The following ACYP2 variants were observed in gnomAD, a reference collection of about 807,000 sequenced individuals.
The protein encoded by ACYP2 is acylphosphatase 2, also known as acylphosphatase-2.
ACYP2 carries 12 observed loss-of-function variants against 11.2 expected under a neutral mutation model. The ratio of observed to expected loss-of-function variants is 1.08; its 90% CI spans 0.69 to 1.74. The LOEUF is 1.74. Among genes scored for constraint, ACYP2 ranks in the 40% most tolerant of loss-of-function variants. ACYP2 has a pLI of 0.00. For missense variants in ACYP2, 134 were observed against 101.9 expected, an observed-to-expected ratio of 1.31 and a Z score of -1.35; for synonymous variants, 43 against 32.2, an observed-to-expected ratio of 1.33 and a Z score of -1.13.
At chr2:54,295,586 A>C (rs964887162) in intron 6 of ACYP2, among the ~76,000 whole-genome samples, 3 of 152,252 alleles carry the variant, frequency 2.0e-5, no homozygotes, top group Admixed American at 6.5e-5. Flanking sequence ...ACAAAGGCTC[A>C]TTCATTCAGT....
chr2:54,182,272 C>A (rs1683776550), intron 6 of ACYP2, among the ~76,000 whole-genome samples: 1 of 151,710 alleles, frequency 6.6e-6, no homozygotes, highest in Non-Finnish European at 1.5e-5. Context: ...GTTGGCCAGG[C>A]TGGTCTCAAA....
intron 6 of ACYP2, among the ~76,000 whole-genome samples, chr2:54,263,324 G>A (rs1312379506): frequency 6.6e-6 from 1 of 152,184 alleles, no homozygotes; most frequent in East Asian, 1.9e-4. Context: ...CAAGGGGATA[G>A]TGCTAAACCA....
Position 54,075,468 on chromosome 2 carries a change from A to C in ACYP2, c.277+18108A>C, listed in dbSNP as rs955838199. Among the ~76,000 whole-genome samples the C allele has an allele frequency of 2.0e-5, 3 of 150,492 alleles. No homozygotes were observed. The South Asian group carries it at 6.3e-4, about 32-fold the overall frequency. ...AGCAGAGATGGCACCACTGCATCCT[A>C]TCCTGGGTGACAGAGTGAGATTCTG... On this transcript the variant is annotated intron_variant, in intron 4 of 6. Transcript: ENST00000607452.
intron 2 of ACYP2, among the ~76,000 whole-genome samples, chr2:54,045,692 T>C (rs982740861): frequency 6.6e-6 from 1 of 152,046 alleles, no homozygotes; most frequent in Non-Finnish European, 1.5e-5. Flanking sequence ...GGCAGTCGCC[T>C]GTAGTCCCAG....
chr2:54,255,185 A>G, intron 6 of ACYP2: 1 of 1,614,184 alleles, frequency 6.2e-7, no homozygotes, highest in Non-Finnish European at 8.5e-7. Flanking sequence ...GTGGAAAAAG[A>G]CACCACTTGG....
intron 6 of ACYP2, among the ~76,000 whole-genome samples, chr2:54,295,315 T>C (rs1558675458): frequency 6.6e-6 from 1 of 152,222 alleles, no homozygotes. Context: ...CAATGTTCTT[T>C]AAGAGAAGGA....
At chr2:54,106,829 C>G (rs937810282) in intron 4 of ACYP2, among the ~76,000 whole-genome samples, 1 of 152,266 alleles carries the variant, frequency 6.6e-6, no homozygotes, top group South Asian at 2.1e-4. Context: ...GTGATCCGCC[C>G]CCCCTCGGCC....
chr2:54,075,297 G>A (rs190002489), intron 4 of ACYP2, among the ~76,000 whole-genome samples: 164 of 152,156 alleles, frequency 1.1e-3, no homozygotes, highest in African/African-American at 3.6e-3. Context: ...TCAGGAGTTC[G>A]AGACCATCCT....
At chr2:54,061,478 G>C (rs1676465356) in intron 4 of ACYP2, among the ~76,000 whole-genome samples, 1 of 152,256 alleles carries the variant, frequency 6.6e-6, no homozygotes, top group South Asian at 2.1e-4. Context: ...AGAGACTAAA[G>C]TTGCTGATGA....
chr2:54,199,349 C>T (rs147344739), intron 6 of ACYP2, among the ~76,000 whole-genome samples: 3 of 152,158 alleles, frequency 2.0e-5, no homozygotes, highest in Non-Finnish European at 4.4e-5. Context: ...CTCGTGCACA[C>T]GTGTCATTGT....
chr2:54,155,161 T>G (rs1047265582), intron 6 of ACYP2, among the ~76,000 whole-genome samples: 1 of 152,190 alleles, frequency 6.6e-6, no homozygotes, highest in Admixed American at 6.5e-5. Flanking sequence ...TTTCTCATTT[T>G]ATTTATTTGA....
At chr2:54,237,087 A>C (rs960828932) in intron 6 of ACYP2, among the ~76,000 whole-genome samples, 2 of 152,196 alleles carry the variant, frequency 1.3e-5, no homozygotes, top group African/African-American at 4.8e-5. Flanking sequence ...ATTAGGTATT[A>C]TAAGTAATCT....
chr2:54,003,595 A>G (rs1672909304), intron 2 of ACYP2, among the ~76,000 whole-genome samples: 1 of 152,160 alleles, frequency 6.6e-6, no homozygotes, highest in Non-Finnish European at 1.5e-5. Flanking sequence ...AATAATGTTC[A>G]GTTGTCTGGA....
chr2:54,086,859 C>T (rs1340959779), intron 4 of ACYP2, among the ~76,000 whole-genome samples: 4 of 152,182 alleles, frequency 2.6e-5, no homozygotes, highest in African/African-American at 9.7e-5. Flanking sequence ...AGATTCAAAG[C>T]ACATTTGTAA....
intron 6 of ACYP2, among the ~76,000 whole-genome samples, chr2:54,191,744 C>G (rs570886923): frequency 6.6e-6 from 1 of 152,080 alleles, no homozygotes; most frequent in Non-Finnish European, 1.5e-5. Flanking sequence ...CTCAAATGTC[C>G]CCTTGTTGAA....
At chr2:53,971,538 A>G (rs1488284364) in intron 1 of ACYP2, among the ~76,000 whole-genome samples, 2 of 152,142 alleles carry the variant, frequency 1.3e-5, no homozygotes, top group Non-Finnish European at 2.9e-5. Context: ...AACAAATGCT[A>G]TTTGAACAGC....
intron 6 of ACYP2, among the ~76,000 whole-genome samples, chr2:54,203,275 A>G (rs1684931823): frequency 6.6e-6 from 1 of 152,160 alleles, no homozygotes; most frequent in African/African-American, 2.4e-5. Flanking sequence ...TTGTTTATTG[A>G]TAATGTATAG....
At chr2:54,154,359 G>A (rs974081446) in intron 6 of ACYP2, among the ~76,000 whole-genome samples, 1 of 152,162 alleles carries the variant, frequency 6.6e-6, no homozygotes, top group Admixed American at 6.5e-5. Flanking sequence ...TCCTGGTCTT[G>A]TTCCTGATCT....
intron 6 of ACYP2, chr2:54,255,071 C>G (rs774012259): frequency 1.9e-6 from 3 of 1,614,112 alleles, no homozygotes; most frequent in Non-Finnish European, 2.5e-6. Context: ...CTGTCGGACT[C>G]TGGAAGGCTG....
Sources: allele counts gnomAD v4.1 joint callset (sites outside exome capture counted in the v4.1 genomes callset), GRCh38; gene constraint gnomAD v4.1.1; transcripts MANE v1.5; gene names NCBI Gene and HGNC (gene_info 2026-07-23, HGNC 2026-07-21).